Variants in CALN1 observed in about 807,000 individuals in gnomAD.
The protein encoded by CALN1 is calcium-binding protein 8.
CALN1 carries 17 observed loss-of-function variants against 30.6 expected under a neutral mutation model. That is an observed-to-expected ratio of 0.56 (90% CI 0.38 to 0.83). CALN1 has a LOEUF of 0.83. Ranked by LOEUF, CALN1 falls within the 40% of genes least tolerant of loss-of-function variation. CALN1 has a pLI of 0.00. For missense variants in CALN1, 291 were observed against 354.9 expected, an observed-to-expected ratio of 0.82 and a Z score of 1.45; for synonymous variants, 156 against 131.4, an observed-to-expected ratio of 1.19 and a Z score of -1.28.
chr7:72,337,211 G>T, intron 2 of CALN1: 1 of 985,184 alleles, frequency 1.0e-6, no homozygotes, highest in Non-Finnish European at 1.2e-6. Context: ...GATCCCCCAG[G>T]GCCTTGCCGC....
At chr7:72,485,070 G>T in the CALN1 span, among the ~76,000 whole-genome samples, 1 of 152,002 alleles carries the variant, frequency 6.6e-6, no homozygotes, top group African/African-American at 2.4e-5. Flanking sequence ...ATAATGCACA[G>T]TCTCTACTAA....
chr7:72,368,808 CCTTTT>C (rs1166664412), intron 2 of CALN1, among the ~76,000 whole-genome samples: 4 of 145,308 alleles, frequency 2.8e-5, no homozygotes, highest in South Asian at 2.2e-4. Context: ...GGTTTGAAAC[CCTTTT>C]TTTTTTTTTT....
chr7:72,063,274 T>C (rs1563023671), intron 4 of CALN1, among the ~76,000 whole-genome samples: 1 of 152,296 alleles, frequency 6.6e-6, no homozygotes, highest in East Asian at 1.9e-4. Context: ...TCTAAAAATG[T>C]TTTAGGGCCA....
intron 1 of CALN1, among the ~76,000 whole-genome samples, chr7:72,443,302 G>A (rs138723443): frequency 6.6e-6 from 1 of 152,340 alleles, no homozygotes; most frequent in East Asian, 1.9e-4. Flanking sequence ...GTAGGACACA[G>A]TTTGGTAAAG....
intron 4 of CALN1, among the ~76,000 whole-genome samples, chr7:72,054,975 C>A (rs534568940): frequency 6.6e-6 from 1 of 152,262 alleles, no homozygotes; most frequent in African/African-American, 2.4e-5. Flanking sequence ...GACCTGGAGA[C>A]TAAGATCCCT....
intron 4 of CALN1, among the ~76,000 whole-genome samples, chr7:72,053,122 C>T (rs1802945523): frequency 6.6e-6 from 1 of 152,126 alleles, no homozygotes; most frequent in South Asian, 2.1e-4. Context: ...CCCAGCTACT[C>T]GGGAGGCTGA....
At chr7:71,907,635 G>C (rs976639027) in intron 5 of CALN1, among the ~76,000 whole-genome samples, 1 of 152,190 alleles carries the variant, frequency 6.6e-6, no homozygotes, top group African/African-American at 2.4e-5. Flanking sequence ...TACTTTGCTA[G>C]GTCTTGCTGA....
At chr7:71,807,931 G>T (rs762389943) in intron 6 of CALN1, among the ~76,000 whole-genome samples, 1 of 152,002 alleles carries the variant, frequency 6.6e-6, no homozygotes, top group Non-Finnish European at 1.5e-5. Context: ...AAAATTAGCC[G>T]GGCATGGGGG....
intron 5 of CALN1, among the ~76,000 whole-genome samples, chr7:72,003,080 A>T (rs1216707190): frequency 6.6e-6 from 1 of 152,214 alleles, no homozygotes; most frequent in African/African-American, 2.4e-5. Flanking sequence ...TGATATGTTA[A>T]TTAGCTTGAT....
At chr7:72,291,252 T>A (rs971744448) in intron 2 of CALN1, among the ~76,000 whole-genome samples, 22 of 152,174 alleles carry the variant, frequency 1.4e-4, no homozygotes, top group African/African-American at 5.3e-4. Context: ...TATTTCATAT[T>A]TTTCTTCAGA....
chr7:71,817,809 C>T (rs931612795), intron 5 of CALN1, among the ~76,000 whole-genome samples: 7 of 152,020 alleles, frequency 4.6e-5, no homozygotes, highest in Admixed American at 6.6e-5. Context: ...CCACTGCACC[C>T]GGCCATATTT....
At chr7:71,963,714 C>A (rs527771856) in intron 5 of CALN1, among the ~76,000 whole-genome samples, 1 of 151,952 alleles carries the variant, frequency 6.6e-6, no homozygotes, top group African/African-American at 2.4e-5. Flanking sequence ...ATATGTAATA[C>A]TGATACATGT....
intron 2 of CALN1, among the ~76,000 whole-genome samples, chr7:72,319,183 A>G (rs1030247900): frequency 3.3e-5 from 5 of 152,224 alleles, no homozygotes; most frequent in East Asian, 1.9e-4. Context: ...ATAGACATAT[A>G]TATTCTGTAT....
chr7:72,191,177 C>T (rs1347940535), intron 3 of CALN1, among the ~76,000 whole-genome samples: 1 of 152,112 alleles, frequency 6.6e-6, no homozygotes, highest in Non-Finnish European at 1.5e-5. Context: ...GCTGGGAAGA[C>T]AAGAAGAATG....
chr7:72,364,796 A>G (rs1316539426), intron 2 of CALN1, among the ~76,000 whole-genome samples: 2 of 152,228 alleles, frequency 1.3e-5, no homozygotes, highest in Admixed American at 6.5e-5. Flanking sequence ...ATAAATATAT[A>G]AAATTGATTT....
At chr7:72,418,712 T>C (rs1481121871) in intron 1 of CALN1, among the ~76,000 whole-genome samples, 1 of 152,136 alleles carries the variant, frequency 6.6e-6, no homozygotes, top group Non-Finnish European at 1.5e-5. Context: ...GGTCTCCCTG[T>C]AGTTCAAGCT....
At chr7:71,962,897 G>A (rs1411266730) in intron 5 of CALN1, among the ~76,000 whole-genome samples, 2 of 152,110 alleles carry the variant, frequency 1.3e-5, no homozygotes, top group Non-Finnish European at 2.9e-5. Flanking sequence ...AGAGATCAGC[G>A]GGATCTCATC....
chr7:72,461,445 T>C, the CALN1 span, among the ~76,000 whole-genome samples: 2 of 152,152 alleles, frequency 1.3e-5, no homozygotes, highest in African/African-American at 4.8e-5. Context: ...GAAAATGTGG[T>C]ATAAATACAC....
In CALN1 at chr7:71,787,649, A is replaced by C. The variant is rs1793050425; in HGVS notation, c.*126T>G. On this transcript the variant is annotated 3_prime_UTR_variant, in exon 7 of 7. Transcript: ENST00000395275. ...GCACTCAACCTTGGGTTCTTTACTG[A>C]ACGGTTCCATCGTCCGCATCCATCC... The C allele has an allele frequency of 7.3e-7, 1 of 1,377,598 alleles. No individual in the cohort carries two copies. Among genetic ancestry groups the C allele is most frequent in the East Asian group, 2.5e-5 (1 of 40,208 alleles). 85.3% of individuals were successfully genotyped at this position (1,377,598 alleles called of 1,614,324 possible). A position where few individuals can be genotyped will look rare whatever the true frequency, so the allele number is the denominator to read the frequency against.
Sources: gnomAD v4.1 joint callset for allele counts (sites outside exome capture counted in the v4.1 genomes callset) on GRCh38, gnomAD v4.1.1 for gene constraint, MANE v1.5 for transcripts, NCBI Gene and HGNC (gene_info 2026-07-23, HGNC 2026-07-21) for gene names.